The following EBF4 variants were observed in gnomAD, a reference collection of about 807,000 sequenced individuals.
EBF4 encodes EBF transcription factor 4.
EBF4 carries 34 observed loss-of-function variants against 67.1 expected under a neutral mutation model. The observed-to-expected ratio is 0.51, with a 90% CI of 0.39 to 0.67. The LOEUF (loss-of-function observed/expected upper bound fraction) is 0.67, where lower values mean the gene tolerates loss of function less well. Ranked by LOEUF, EBF4 falls within the 30% of genes least tolerant of loss-of-function variation. EBF4 has a pLI of 0.00. For missense variants in EBF4, 837 were observed against 873.3 expected (o/e 0.96, Z 0.52); for synonymous variants, 387 against 377.7 (o/e 1.02, Z -0.29).
intron 1 of EBF4, among the ~76,000 whole-genome samples, chr20:2,697,090 G>A (rs1600194852): frequency 6.6e-6 from 1 of 152,324 alleles, no homozygotes; most frequent in Non-Finnish European, 1.5e-5. Flanking sequence ...CCTGACCCAG[G>A]AATCAGCTAC....
Position 2,755,770 on chromosome 20 carries a change from C to T in EBF4, c.1684C>T (p.Pro562Ser), listed in dbSNP as rs757147352. 9.0e-6 allele frequency: 14 copies of T among 1,550,126 alleles called. No individual in the cohort carries two copies. In the South Asian group the frequency reaches 1.4e-4, roughly 16 times the overall value. ...GAGCGCCTTCGCCCCCGTGCTGCGC[C>T]CCCCAAGCTCCCCACCCCAGGCCTG... is the stretch of plus-strand genomic sequence containing the variant. The change falls in exon 15 of 17, where the codon CCC (proline) becomes TCC (serine). Residue 562 changes from proline (P) to serine (S), a missense_variant. Pro to Ser is a moderately conservative substitution (Grantham distance 74). Transcript: ENST00000609451. The surrounding 1 kb of genome is among the most constrained non-coding windows in gnomAD (Gnocchi z 4.7).
At chr20:2,706,968 G>A (rs1423541115) in intron 4 of EBF4, among the ~76,000 whole-genome samples, 1 of 152,210 alleles carries the variant, frequency 6.6e-6, no homozygotes, top group Non-Finnish European at 1.5e-5. Context: ...AGGCTCTGAT[G>A]GATTCTGCCA....
downstream of EBF4, chr20:2,759,928 A>T (rs1219987216): frequency 6.6e-6 from 1 of 152,296 alleles, no homozygotes; most frequent in Non-Finnish European, 1.5e-5. Context: ...GTCTTCCCCC[A>T]GTGGATGTCT....
Position 2,751,772 on chromosome 20 carries a change from C to T in EBF4, c.1091C>T (p.Pro364Leu). 6.4e-7 allele frequency: 1 copy of T among 1,550,418 alleles called. No individual in the cohort carries two copies. Reference sequence around the variant, plus strand: ...GTCATTCCCAGACACCCCGGAGACCCCGAGAGGCTGCCCAAGGTACTCAGA... The same window carrying T: ...GTCATTCCCAGACACCCCGGAGACCTCGAGAGGCTGCCCAAGGTACTCAGA... The change falls in exon 11 of 17, where the codon CCC becomes CTC. Residue 364 changes from proline to leucine, a missense_variant. By Grantham distance (98) the Pro-to-Leu change is moderately conservative (BLOSUM62 -3). This residue lies in a region of EBF4 where 525 missense variants were observed against 496.5 expected (regional missense o/e 1.06). Coordinates refer to ENST00000609451, the Ensembl canonical transcript of EBF4. The surrounding 1 kb of genome is among the most constrained non-coding windows in gnomAD (Gnocchi z 5.2).
intron 1 of EBF4, among the ~76,000 whole-genome samples, chr20:2,703,900 G>A (rs1030261579): frequency 6.6e-6 from 1 of 152,126 alleles, no homozygotes; most frequent in Non-Finnish European, 1.5e-5. Context: ...TGACTGAGGC[G>A]GGTGGATCTG....
At chr20:2,749,909 G>A in exon 10 of EBF4, 1 of 1,551,648 alleles carries the variant, frequency 6.4e-7, no homozygotes, top group Non-Finnish European at 8.7e-7. Context: ...GGGTGGTGGA[G>A]GTGACCCTCT....
At chr20:2,706,606 G>T (rs1182340390) in intron 4 of EBF4, among the ~76,000 whole-genome samples, 3 of 152,106 alleles carry the variant, frequency 2.0e-5, no homozygotes, top group African/African-American at 7.2e-5. Flanking sequence ...AACTGCACAG[G>T]GAGCTCTGGA....
chr20:2,703,570 C>T (rs1000719869), intron 1 of EBF4, among the ~76,000 whole-genome samples: 3 of 151,936 alleles, frequency 2.0e-5, no homozygotes, highest in Admixed American at 6.6e-5. Flanking sequence ...AGGACTGAGG[C>T]AGCGGGATCA....
chr20:2,752,529 C>T (rs1266800778), exon 14 of EBF4: 5 of 1,251,162 alleles, frequency 4.0e-6, no homozygotes, highest in Non-Finnish European at 5.0e-6. Flanking sequence ...GCTCCACCGC[C>T]ACCTCGCCCT....
intron 6 of EBF4, among the ~76,000 whole-genome samples, chr20:2,710,826 C>T (rs1478019411): frequency 2.0e-5 from 3 of 151,930 alleles, no homozygotes; most frequent in African/African-American, 7.3e-5. Context: ...CTTTTTGTAC[C>T]CTTTCCTTTT....
intron 14 of EBF4, among the ~76,000 whole-genome samples, chr20:2,753,161 G>T (rs529357600): frequency 3.7e-4 from 56 of 152,368 alleles, no homozygotes; most frequent in African/African-American, 1.3e-3. Flanking sequence ...TTTCCTCGCA[G>T]TCAAATAGGG....
chr20:2,743,423 G>A (rs895050075), intron 6 of EBF4, among the ~76,000 whole-genome samples: 2 of 152,228 alleles, frequency 1.3e-5, no homozygotes, highest in African/African-American at 4.8e-5. Flanking sequence ...TTAGGGGCGG[G>A]TCACCTTTGC....
intron 6 of EBF4, among the ~76,000 whole-genome samples, chr20:2,713,820 G>A (rs1385548173): frequency 6.6e-6 from 1 of 152,220 alleles, no homozygotes; most frequent in Non-Finnish European, 1.5e-5. Flanking sequence ...GGTTGAACTG[G>A]ATGTTAGGTG....
chr20:2,738,901 G>T (rs1013185593), intron 6 of EBF4, among the ~76,000 whole-genome samples: 2 of 152,194 alleles, frequency 1.3e-5, no homozygotes, highest in Admixed American at 1.3e-4. Flanking sequence ...ATGGGGTGCG[G>T]GTGCATTGGC....
At chr20:2,730,849 T>G (rs185062805) in intron 6 of EBF4, among the ~76,000 whole-genome samples, 160 of 152,294 alleles carry the variant, frequency 1.1e-3, no homozygotes, top group African/African-American at 3.8e-3. Flanking sequence ...CAGTCAGTGC[T>G]CCAATCATAA....
At position 2,751,857 on chromosome 20, in the gene EBF4, C is replaced by A. The variant is rs2088151912; in HGVS notation, c.1108-65C>A. The A allele has an allele frequency of 1.5e-5, 23 of 1,537,884 alleles. No individual in the cohort carries two copies. The highest frequency in any genetic ancestry group is 2.0e-5 in the Non-Finnish European group (23 of 1,137,128). ...GGGCAAGGGGGTGAGGAGGGGCTCCCGAGGGCCCCTTGGTCGCCCCCAGGG... is the reference window on the plus strand; with the variant it reads ...GGGCAAGGGGGTGAGGAGGGGCTCCAGAGGGCCCCTTGGTCGCCCCCAGGG... On this transcript the variant is annotated intron_variant, in intron 11 of 16. Transcript: ENST00000609451. This position sits in a 1 kb window ranked among gnomAD's most constrained non-coding sequence, Gnocchi z 5.2.
At chr20:2,708,771 TTGGAACTG>T (rs2087496115) in intron 5 of EBF4, among the ~76,000 whole-genome samples, 1 of 151,924 alleles carries the variant, frequency 6.6e-6, no homozygotes. Context: ...AAATCTGTGG[TTGGAACTG>T]TGGCTACCCT....
At chr20:2,738,299 C>T (rs1047365236) in intron 6 of EBF4, among the ~76,000 whole-genome samples, 2 of 152,180 alleles carry the variant, frequency 1.3e-5, no homozygotes, top group Non-Finnish European at 1.5e-5. Context: ...TTCAGACTCC[C>T]ACCTTCTCCT....
rs960358511 is a variant in EBF4, at chr20:2,739,368, G to T, written c.558-9181G>T. ...TGGAGGGCCCTGCCTCCTACTTCTCGGTGAGATCCTCCAAGACCCATCACC... is the reference window on the plus strand; with the variant it reads ...TGGAGGGCCCTGCCTCCTACTTCTCTGTGAGATCCTCCAAGACCCATCACC... On this transcript the variant is annotated intron_variant, in intron 6 of 16. Transcript: ENST00000609451. This position sits in a 1 kb window ranked among gnomAD's most constrained non-coding sequence, Gnocchi z 4.5. Among the ~76,000 whole-genome samples the T allele has an allele frequency of 6.6e-6, 1 of 151,858 alleles. No individual in the cohort carries two copies. Among genetic ancestry groups the T allele is most frequent in the Admixed American group, 6.6e-5 (1 of 15,250 alleles).
Sources: gnomAD v4.1 joint callset for allele counts (sites outside exome capture counted in the v4.1 genomes callset) on GRCh38, gnomAD v4.1.1 for gene constraint, gnomAD v4.1.1 regional missense constraint, Gnocchi (gnomAD v3.1) non-coding constraint, MANE v1.5 for transcripts, NCBI Gene and HGNC (gene_info 2026-07-23, HGNC 2026-07-21) for gene names.